Variants in KCNH1 observed in about 807,000 individuals in gnomAD.
The protein encoded by KCNH1 is potassium voltage-gated channel subfamily H member 1.
In KCNH1, 27 loss-of-function variants were observed where a neutral mutation model predicts 69.2. The observed-to-expected ratio is 0.39, with a 90% CI of 0.29 to 0.54. The LOEUF is 0.54. KCNH1 is among the 20% of genes least tolerant of loss of function. The pLI, the probability that KCNH1 is intolerant of heterozygous loss-of-function variation, is 0.68. For missense variants in KCNH1, 798 were observed against 1,261.6 expected (o/e 0.63, Z 5.57); for synonymous variants, 456 against 487.7 (o/e 0.93, Z 0.86).
At chr1:210,776,837 A>G (rs1193101389) in intron 9 of KCNH1, among the ~76,000 whole-genome samples, 1 of 152,244 alleles carries the variant, frequency 6.6e-6, no homozygotes, top group Non-Finnish European at 1.5e-5. Context: ...ACCTAGGGAT[A>G]TTCTTCCTAC....
intron 7 of KCNH1, among the ~76,000 whole-genome samples, chr1:210,815,825 G>T (rs1338241264): frequency 6.6e-6 from 1 of 152,188 alleles, no homozygotes; most frequent in African/African-American, 2.4e-5. Context: ...CCACGAAGGT[G>T]CCAGCAGTCA....
At chr1:210,698,857 G>A (rs1681706556) in intron 10 of KCNH1, among the ~76,000 whole-genome samples, 1 of 152,224 alleles carries the variant, frequency 6.6e-6, no homozygotes, top group Non-Finnish European at 1.5e-5. Flanking sequence ...TGCAGCGCCT[G>A]CCTGCCATCC....
chr1:210,774,752 A>C (rs1455856598), intron 10 of KCNH1, among the ~76,000 whole-genome samples: 2 of 152,208 alleles, frequency 1.3e-5, no homozygotes, highest in Non-Finnish European at 2.9e-5. Context: ...TGAGAGTGAA[A>C]GAAACAATTT....
intron 10 of KCNH1, among the ~76,000 whole-genome samples, chr1:210,759,565 AT>A (rs1683471942): frequency 6.6e-6 from 1 of 152,108 alleles, no homozygotes; most frequent in Admixed American, 6.5e-5. Context: ...AGAAGAAAGT[AT>A]TTCAGAACTC....
chr1:211,026,441 A>G (rs1689686683), intron 5 of KCNH1, among the ~76,000 whole-genome samples: 1 of 152,012 alleles, frequency 6.6e-6, no homozygotes, highest in African/African-American at 2.4e-5. Context: ...AAAGGAGTGG[A>G]AAATGGGCAG....
At chr1:210,790,442 T>A (rs1684191297) in intron 9 of KCNH1, among the ~76,000 whole-genome samples, 2 of 152,176 alleles carry the variant, frequency 1.3e-5, no homozygotes, top group South Asian at 4.1e-4. Flanking sequence ...GCTCCCCACA[T>A]CCTGCTTACA....
Position 211,107,395 on chromosome 1 carries a change from A to AAAAC in KCNH1, c.80-19_80-18insGTTT, listed in dbSNP as rs1553380350. The AAAAC allele has an allele frequency of 4.0e-6, 6 of 1,494,384 alleles. No individual in the cohort carries two copies. Among genetic ancestry groups the AAAAC allele is most frequent in the South Asian group, 1.2e-5 (1 of 84,514 alleles). 92.6% of individuals were successfully genotyped at this position (1,494,384 alleles called of 1,614,324 possible). On this transcript the variant is annotated intron_variant, in intron 1 of 10. Coordinates refer to ENST00000271751, the MANE Select transcript of KCNH1 (RefSeq NM_172362.3). ...ATTAGTATCTGTTAAAAAAAAAAAA[A>AAAAC]AGGGAAAAAAGGGCACATGAGGCAA...
chr1:210,894,949 G>C (rs1268404468), intron 7 of KCNH1, among the ~76,000 whole-genome samples: 2 of 152,136 alleles, frequency 1.3e-5, no homozygotes, highest in African/African-American at 4.8e-5. Flanking sequence ...GCCTTCATCA[G>C]ATCCACACTC....
At chr1:211,032,878 A>C (rs1427080880) in intron 5 of KCNH1, among the ~76,000 whole-genome samples, 1 of 152,226 alleles carries the variant, frequency 6.6e-6, no homozygotes, top group Non-Finnish European at 1.5e-5. Flanking sequence ...TAAACACCAA[A>C]AGCAATGTCA....
chr1:210,707,068 C>T (rs917578700), intron 10 of KCNH1, among the ~76,000 whole-genome samples: 22 of 150,516 alleles, frequency 1.5e-4, no homozygotes, highest in African/African-American at 4.5e-4. Flanking sequence ...TGTGTGTGTG[C>T]GCGCGCACGT....
chr1:210,861,003 G>T, intron 7 of KCNH1: 1 of 1,060,628 alleles, frequency 9.4e-7, no homozygotes, highest in Non-Finnish European at 1.5e-6. Flanking sequence ...TTTTTTCAAA[G>T]GTCAGCATTG....
At chr1:210,802,956 T>C (rs1381065552) in intron 8 of KCNH1, among the ~76,000 whole-genome samples, 2 of 152,080 alleles carry the variant, frequency 1.3e-5, no homozygotes, top group Non-Finnish European at 2.9e-5. Context: ...AAAAAAATGC[T>C]CCCTCACTTC....
chr1:210,860,365 A>G, intron 7 of KCNH1: 1 of 1,430,002 alleles, frequency 7.0e-7, no homozygotes, highest in East Asian at 2.3e-5. Flanking sequence ...AGTACCAATG[A>G]CCTGTAAGCA....
At chr1:210,997,158 C>T (rs573607114) in intron 6 of KCNH1, among the ~76,000 whole-genome samples, 79 of 152,238 alleles carry the variant, frequency 5.2e-4, no homozygotes, top group African/African-American at 1.1e-3. Context: ...CAAAGCTGGA[C>T]GGAGAATGAC....
chr1:210,714,165 T>C (rs1574201874), intron 10 of KCNH1, among the ~76,000 whole-genome samples: 1 of 152,248 alleles, frequency 6.6e-6, no homozygotes, highest in East Asian at 1.9e-4. Context: ...TAGACTTGCA[T>C]GTGGACTCCA....
intron 7 of KCNH1, among the ~76,000 whole-genome samples, chr1:210,910,742 T>C (rs1462915221): frequency 6.6e-6 from 1 of 152,262 alleles, no homozygotes; most frequent in Non-Finnish European, 1.5e-5. Context: ...CATAAAAGTG[T>C]TGGGAGAGGT....
chr1:210,794,242 G>A (rs191366325), intron 9 of KCNH1, among the ~76,000 whole-genome samples: 3 of 152,144 alleles, frequency 2.0e-5, no homozygotes, highest in South Asian at 2.1e-4. Context: ...GACGTGTCTC[G>A]ACCTTTTAGA....
chr1:211,079,191 C>G (rs1224764786), intron 5 of KCNH1, among the ~76,000 whole-genome samples: 3 of 152,144 alleles, frequency 2.0e-5, no homozygotes, highest in Non-Finnish European at 4.4e-5. Flanking sequence ...ATAAACACCT[C>G]TATGCAAATA....
chr1:211,100,602 C>T (rs1302638159), intron 3 of KCNH1, among the ~76,000 whole-genome samples: 2 of 152,214 alleles, frequency 1.3e-5, no homozygotes, highest in East Asian at 1.9e-4. Context: ...CCACCCACCT[C>T]GGCCTCCCAA....
Sources: gnomAD v4.1 joint callset for allele counts (sites outside exome capture counted in the v4.1 genomes callset) on GRCh38, gnomAD v4.1.1 for gene constraint, MANE v1.5 for transcripts, NCBI Gene and HGNC (gene_info 2026-07-23, HGNC 2026-07-21) for gene names.